The following BCAS3 variants were observed in gnomAD, a reference collection of about 807,000 sequenced individuals.
The protein encoded by BCAS3 is BCAS4/BCAS3 fusion.
BCAS3 carries 53 observed loss-of-function variants against 116.1 expected under a neutral mutation model. That is an observed-to-expected ratio of 0.46 (90% CI 0.37 to 0.57). The LOEUF (loss-of-function observed/expected upper bound fraction) is 0.57. Among genes scored for constraint, BCAS3 ranks in the 20% least tolerant of loss-of-function variants. The probability of loss-of-function intolerance (pLI) is 0.00; values close to 1 mark genes in which losing one functional copy is unlikely to be tolerated. For missense variants in BCAS3, 917 were observed against 1,165.4 expected (o/e 0.79, Z 3.10); for synonymous variants, 391 against 408.2 (o/e 0.96, Z 0.51).
chr17:61,129,174 T>G (rs748983011), intron 22 of BCAS3, among the ~76,000 whole-genome samples: 2 of 152,188 alleles, frequency 1.3e-5, no homozygotes, highest in African/African-American at 4.8e-5. Context: ...GAAAGGAAAT[T>G]AAAGGAGAAG....
chr17:60,937,624 A>C lies in BCAS3; in HGVS notation c.1088-9595A>C, dbSNP rs150683026. ...TACATTTAGAAATTCCTACATTTCC[A>C]TATTTACCTTTCCAATTATTTTGTA... is the stretch of plus-strand genomic sequence containing the variant. On this transcript the variant is annotated intron_variant, in intron 13 of 23. Transcript: ENST00000407086. Among the ~76,000 whole-genome samples, 620 of 152,332 alleles carry C rather than the reference A, an allele frequency of 4.1e-3. 4 individuals are homozygous for C. The highest frequency in any genetic ancestry group is 0.014 in the African/African-American group (592 of 41,568).
In BCAS3 at chr17:61,327,033, C is replaced by T. The variant is rs1444664980; in HGVS notation, c.2426-41294C>T. ...ATTAAAAAACAAAACAGGCCGGGCG[C>T]GGTGGCTCACACCTGTAATCCCAGC... On this transcript the variant is annotated intron_variant, in intron 22 of 23. Coordinates refer to ENST00000407086, the MANE Select transcript of BCAS3 (RefSeq NM_017679.5). This position sits in a 1 kb window ranked among gnomAD's most constrained non-coding sequence, Gnocchi z 5.9. Among the ~76,000 whole-genome samples, 7 of 152,080 alleles carry T rather than the reference C, an allele frequency of 4.6e-5. No individual in the cohort carries two copies. Among genetic ancestry groups the T allele is most frequent in the African/African-American group, 1.4e-4 (6 of 41,420 alleles).
chr17:61,040,993 A>AGTT (rs2067461458), intron 19 of BCAS3, 101 bp downstream of exon 19: 1 of 945,854 alleles, frequency 1.1e-6, no homozygotes, highest in East Asian at 2.4e-5. Context: ...TCCATAGGCC[A>AGTT]TGGGCCTTAA....
intron 7 of BCAS3, among the ~76,000 whole-genome samples, chr17:60,860,747 G>GT (rs1338365020): frequency 2.0e-5 from 3 of 152,226 alleles, no homozygotes; most frequent in Admixed American, 6.5e-5. Flanking sequence ...TGAATAGGGA[G>GT]TTTTTTCCCT....
At chr17:60,715,894 G>A (rs1287947588) in intron 5 of BCAS3, among the ~76,000 whole-genome samples, 1 of 151,536 alleles carries the variant, frequency 6.6e-6, no homozygotes, top group African/African-American at 2.4e-5. Context: ...ATGGAGTCTT[G>A]CTCTGTCACC....
chr17:61,071,754 A>G (rs911383376), intron 19 of BCAS3, among the ~76,000 whole-genome samples: 8 of 152,218 alleles, frequency 5.3e-5, no homozygotes, highest in Non-Finnish European at 1.2e-4. Context: ...GAACAGTAAT[A>G]TATCTAGTTG....
At chr17:60,955,022 A>G (rs2061047131) in intron 14 of BCAS3, among the ~76,000 whole-genome samples, 1 of 151,842 alleles carries the variant, frequency 6.6e-6, no homozygotes, top group South Asian at 2.1e-4. Context: ...TGTGTTACTC[A>G]TTTTACGCCC....
At chr17:60,936,667 G>C (rs991431345) in intron 13 of BCAS3, among the ~76,000 whole-genome samples, 2 of 152,182 alleles carry the variant, frequency 1.3e-5, no homozygotes, top group Admixed American at 6.5e-5. Context: ...CTTTTGAGAA[G>C]TGTCTGTTCA....
chr17:60,813,161 G>GT (rs2048993425), intron 7 of BCAS3, among the ~76,000 whole-genome samples: 1 of 152,100 alleles, frequency 6.6e-6, no homozygotes, highest in Non-Finnish European at 1.5e-5. Flanking sequence ...TAACCATACT[G>GT]TTTGTCATTA....
intron 22 of BCAS3, among the ~76,000 whole-genome samples, chr17:61,350,308 A>C (rs1205770160): frequency 6.6e-6 from 1 of 151,946 alleles, no homozygotes; most frequent in Non-Finnish European, 1.5e-5. Flanking sequence ...CCAGCTACTC[A>C]GGAGGCTAAG....
rs369990196 is a variant in BCAS3, at chr17:61,200,558, G to T, written c.2425+115994G>T. ...AATGTTAGCCTCCTGGATCCTGATCGTTCAGCCTCCGAAACATTCCTACTG... is the reference window on the plus strand; with the variant it reads ...AATGTTAGCCTCCTGGATCCTGATCTTTCAGCCTCCGAAACATTCCTACTG... On this transcript the variant is annotated intron_variant, in intron 22 of 23. Transcript: ENST00000407086. The surrounding 1 kb of genome is among the most constrained non-coding windows in gnomAD (Gnocchi z 5.1). Among the ~76,000 whole-genome samples the T allele has an allele frequency of 2.0e-5, 3 of 152,296 alleles. No individual in the cohort carries two copies. The East Asian group carries it at 5.8e-4, about 29-fold the overall frequency.
intron 5 of BCAS3, among the ~76,000 whole-genome samples, chr17:60,720,919 G>A (rs2039165766): frequency 1.3e-5 from 2 of 152,060 alleles, no homozygotes; most frequent in South Asian, 4.1e-4. Flanking sequence ...GTGTATATGC[G>A]GTACTTCAAT....
chr17:60,807,825 A>G (rs905115545), intron 6 of BCAS3, among the ~76,000 whole-genome samples, 179 bp from the exon 7 acceptor site: 10 of 151,884 alleles, frequency 6.6e-5, no homozygotes, highest in African/African-American at 2.2e-4. Flanking sequence ...AAATGATTAC[A>G]TATATATAAT....
At chr17:61,329,509 T>G (rs2143091880) in intron 22 of BCAS3, among the ~76,000 whole-genome samples, 1 of 151,474 alleles carries the variant, frequency 6.6e-6, no homozygotes, top group African/African-American at 2.4e-5. Context: ...CCCGGCTAAT[T>G]TTTTGTATTT....
intron 14 of BCAS3, among the ~76,000 whole-genome samples, chr17:60,977,335 A>G (rs1029834806): frequency 6.6e-6 from 1 of 151,926 alleles, no homozygotes; most frequent in East Asian, 1.9e-4. Flanking sequence ...ACATGCCACC[A>G]CACCTGGCTA....
At chr17:60,824,589 C>CT (rs2050221720) in intron 7 of BCAS3, among the ~76,000 whole-genome samples, 1 of 152,192 alleles carries the variant, frequency 6.6e-6, no homozygotes, top group South Asian at 2.1e-4. Context: ...TCCTACATGA[C>CT]TTTTTTCTGT....
At chr17:61,231,869 CAAAAAA>C (rs72247548) in intron 22 of BCAS3, among the ~76,000 whole-genome samples, 1 of 100,450 alleles carries the variant, frequency 1.0e-5, no homozygotes, top group African/African-American at 4.4e-5. Flanking sequence ...GACCCTGTCT[CAAAAAA>C]AAAAAAAAAA....
At position 61,219,882 on chromosome 17, in the gene BCAS3, G is replaced by T. The variant is rs546837934; in HGVS notation, c.2425+135318G>T. ...GGACGTTTTTTTCCCATCCTGTTTG[G>T]GGTAGGAAAAACAAGGCAGGTTATG... On this transcript the variant is annotated intron_variant, in intron 22 of 23. Transcript: ENST00000407086. This position sits in a 1 kb window ranked among gnomAD's most constrained non-coding sequence, Gnocchi z 5.2. Among the ~76,000 whole-genome samples, 99 of 152,298 alleles carry T rather than the reference G, an allele frequency of 6.5e-4. No individual in the cohort carries two copies. Among genetic ancestry groups the T allele is most frequent in the African/African-American group, 1.9e-3 (81 of 41,568 alleles).
intron 22 of BCAS3, among the ~76,000 whole-genome samples, chr17:61,262,444 G>A (rs1443844083): frequency 6.6e-6 from 1 of 151,096 alleles, no homozygotes; most frequent in African/African-American, 2.4e-5. Context: ...GTAGTGGCAC[G>A]ATCTCCACTC....
Sources: gnomAD v4.1 joint callset for allele counts (sites outside exome capture counted in the v4.1 genomes callset) on GRCh38, gnomAD v4.1.1 for gene constraint, Gnocchi (gnomAD v3.1) non-coding constraint, MANE v1.5 for transcripts, NCBI Gene and HGNC (gene_info 2026-07-23, HGNC 2026-07-21) for gene names.